Variants in MALRD1 observed in about 807,000 individuals in gnomAD.
MALRD1 encodes the protein MAM and LDL-receptor class A domain-containing protein 1.
In MALRD1, 247 loss-of-function variants were observed where a neutral mutation model predicts 242.1. That is an observed-to-expected ratio of 1.02 (90% CI 0.92 to 1.13). The LOEUF is 1.13. MALRD1 is among the 50% of genes most tolerant of loss of function. The pLI is 0.00. For synonymous variants in MALRD1, 995 were observed against 866.6 expected, an observed-to-expected ratio of 1.15 and a Z score of -2.60; for missense variants, 2,989 against 2,533.1, an observed-to-expected ratio of 1.18 and a Z score of -3.86.
chr10:19,498,197 G>C (rs1837806523), intron 30 of MALRD1, among the ~76,000 whole-genome samples: 1 of 152,160 alleles, frequency 6.6e-6, no homozygotes, highest in Admixed American at 6.6e-5. Context: ...TCTTGTATTA[G>C]CATAATGTTA....
At chr10:19,696,362 A>G (rs1833378222) in intron 38 of MALRD1, among the ~76,000 whole-genome samples, 1 of 152,194 alleles carries the variant, frequency 6.6e-6, no homozygotes, top group African/African-American at 2.4e-5. Flanking sequence ...AAAGATATAC[A>G]TCATATCTTG....
chr10:19,720,428 C>T (rs1834688468), intron 38 of MALRD1, among the ~76,000 whole-genome samples: 1 of 152,140 alleles, frequency 6.6e-6, no homozygotes, highest in Non-Finnish European at 1.5e-5. Context: ...AAAATAAATG[C>T]TTTATCTCCT....
At chr10:19,589,366 A>G (rs1296364063) in intron 33 of MALRD1, among the ~76,000 whole-genome samples, 1 of 152,194 alleles carries the variant, frequency 6.6e-6, no homozygotes, top group Non-Finnish European at 1.5e-5. Flanking sequence ...ATTTGGTGGC[A>G]TGCAAGTGAA....
chr10:19,700,012 A>G (rs1833550554), intron 38 of MALRD1, among the ~76,000 whole-genome samples: 1 of 139,218 alleles, frequency 7.2e-6, no homozygotes, highest in Non-Finnish European at 1.5e-5. Context: ...CCCAAGTGAA[A>G]TTGATTTAGA....
In MALRD1 at chr10:19,220,763, G is replaced by A. The variant is rs74907297; in HGVS notation, c.2991+11083G>A. On this transcript the variant is annotated intron_variant, in intron 18 of 39. Coordinates refer to ENST00000454679, the MANE Select transcript of MALRD1 (RefSeq NM_001142308.3). Reference sequence around the variant, plus strand: ...TTTTCCTCCTGCTTTTCCTTGGTAGGACTTAGTTCCTTGGCATAGTTCAGT... The same window carrying A: ...TTTTCCTCCTGCTTTTCCTTGGTAGAACTTAGTTCCTTGGCATAGTTCAGT... Among the ~76,000 whole-genome samples the A allele has an allele frequency of 0.015, 2,355 of 151,956 alleles. 103 individuals carry two copies. The East Asian group carries it at 0.18, about 12-fold the overall frequency.
chr10:19,307,143 G>C (rs1274564493), intron 21 of MALRD1, among the ~76,000 whole-genome samples: 1 of 151,430 alleles, frequency 6.6e-6, no homozygotes, highest in African/African-American at 2.4e-5. Flanking sequence ...TTCTTTAGTT[G>C]GGATGCATTG....
At chr10:19,361,405 C>T (rs1428145430) in intron 26 of MALRD1, among the ~76,000 whole-genome samples, 1 of 152,136 alleles carries the variant, frequency 6.6e-6, no homozygotes, top group Non-Finnish European at 1.5e-5. Flanking sequence ...TCCCATCCCC[C>T]AGACACTAAA....
intron 29 of MALRD1, among the ~76,000 whole-genome samples, chr10:19,484,995 A>T (rs1287376994): frequency 6.6e-6 from 1 of 152,224 alleles, no homozygotes; most frequent in African/African-American, 2.4e-5. Flanking sequence ...ACTCAGCCAT[A>T]CAAAATAATG....
At chr10:19,304,823 A>G (rs999448883) in intron 21 of MALRD1, among the ~76,000 whole-genome samples, 9 of 151,796 alleles carry the variant, frequency 5.9e-5, no homozygotes, top group Non-Finnish European at 1.3e-4. Flanking sequence ...TCACATTGTG[A>G]TATCAGTGAG....
intron 12 of MALRD1, among the ~76,000 whole-genome samples, chr10:19,163,599 G>A (rs752651441): frequency 4.6e-5 from 7 of 152,038 alleles, no homozygotes; most frequent in South Asian, 4.1e-4. Context: ...ACAAGTCCCC[G>A]TGACACGTGT....
chr10:19,048,740 AAAT>A (rs1834401632), upstream of MALRD1: 7 of 387,924 alleles, frequency 1.8e-5, no homozygotes, highest in Admixed American at 3.1e-4. Flanking sequence ...TACTCAAGTT[AAAT>A]ATTTTCTAAA....
At chr10:19,595,859 A>G (rs1440173590) in intron 34 of MALRD1, among the ~76,000 whole-genome samples, 1 of 152,148 alleles carries the variant, frequency 6.6e-6, no homozygotes, top group African/African-American at 2.4e-5. Context: ...TTTTTGATCA[A>G]GTGACAAATA....
intron 27 of MALRD1, among the ~76,000 whole-genome samples, chr10:19,388,614 C>G (rs1846190501): frequency 6.6e-6 from 1 of 152,078 alleles, no homozygotes; most frequent in Non-Finnish European, 1.5e-5. Context: ...AGTTTGAAAC[C>G]TATAGAGATG....
intron 18 of MALRD1, among the ~76,000 whole-genome samples, chr10:19,220,864 C>T (rs999009202): frequency 6.6e-6 from 1 of 152,150 alleles, no homozygotes; most frequent in Non-Finnish European, 1.5e-5. Flanking sequence ...ACCCAGGAAA[C>T]AGGTCTTACA....
At chr10:19,592,052 C>A (rs1192496032) in intron 33 of MALRD1, among the ~76,000 whole-genome samples, 2 of 152,156 alleles carry the variant, frequency 1.3e-5, no homozygotes, top group Non-Finnish European at 2.9e-5. Context: ...GTCATGTTCA[C>A]CCTACATCAG....
chr10:19,416,743 C>T (rs1008096157), intron 28 of MALRD1, among the ~76,000 whole-genome samples: 6 of 152,206 alleles, frequency 3.9e-5, no homozygotes, highest in African/African-American at 1.4e-4. Context: ...ACTGCATCAG[C>T]AAATGAGCCT....
chr10:19,326,759 C>T (rs1171148561), intron 22 of MALRD1, among the ~76,000 whole-genome samples: 1 of 151,988 alleles, frequency 6.6e-6, no homozygotes, highest in African/African-American at 2.4e-5. Flanking sequence ...TTCATCTTCA[C>T]TTTTAAAAGT....
At chr10:19,400,467 A>G (rs1200206909) in intron 28 of MALRD1, among the ~76,000 whole-genome samples, 3 of 152,144 alleles carry the variant, frequency 2.0e-5, no homozygotes, top group African/African-American at 7.2e-5. Flanking sequence ...AGGCTTCATG[A>G]CGCAGACCTC....
At chr10:19,393,725 G>GA (rs1477547552) in intron 28 of MALRD1, among the ~76,000 whole-genome samples, 1 of 151,834 alleles carries the variant, frequency 6.6e-6, no homozygotes, top group Non-Finnish European at 1.5e-5. Context: ...CAAAGTGCTG[G>GA]ATTACAGGCG....
Sources: gnomAD v4.1 joint callset for allele counts (sites outside exome capture counted in the v4.1 genomes callset) on GRCh38, gnomAD v4.1.1 for gene constraint, MANE v1.5 for transcripts, NCBI Gene and HGNC (gene_info 2026-07-23, HGNC 2026-07-21) for gene names.